The following NMNAT1 variants were observed in gnomAD, a reference collection of about 807,000 sequenced individuals.
The protein encoded by NMNAT1 is nicotinamide/nicotinic acid mononucleotide adenylyltransferase 1.
A neutral mutation model predicts 16.7 loss-of-function variants in NMNAT1; 11 were observed. The ratio of observed to expected loss-of-function variants is 0.66; its 90% CI spans 0.41 to 1.09. The LOEUF (loss-of-function observed/expected upper bound fraction) is 1.09. Among genes scored for constraint, NMNAT1 ranks in the 50% least tolerant of loss-of-function variants. NMNAT1 has a pLI of 0.00. For missense variants in NMNAT1, 280 were observed against 332.3 expected, an observed-to-expected ratio of 0.84 and a Z score of 1.22; for synonymous variants, 110 against 119.8, an observed-to-expected ratio of 0.92 and a Z score of 0.53.
In NMNAT1 at chr1:9,949,349, A is replaced by G. The variant is rs189690475; in HGVS notation, c.-57+5834A>G. Among the ~76,000 whole-genome samples, 23 of 150,698 alleles carry G rather than the reference A, an allele frequency of 1.5e-4. No homozygotes were observed. The East Asian group carries it at 4.1e-3, about 27-fold the overall frequency. On this transcript the variant is annotated intron_variant, in intron 1 of 4. Transcript: ENST00000377205. ...AAAACAATTAGCTGTCATGATGCAG[A>G]AGATTGTTATAATCTATAAGGGGGA...
chr1:9,984,280 C>T lies in NMNAT1; in HGVS notation c.*1579C>T, dbSNP rs1194749009. 1 of 152,230 alleles carries T rather than the reference C, an allele frequency of 6.6e-6. No individual in the cohort carries two copies. The highest frequency in any genetic ancestry group is 1.5e-5 in the Non-Finnish European group (1 of 68,124). The allele number at this position is 152,230 out of a possible 1,614,324, so 9.4% of individuals were successfully genotyped here. On this transcript the variant is annotated 3_prime_UTR_variant, in exon 5 of 5. Coordinates refer to ENST00000377205, the MANE Select transcript of NMNAT1 (RefSeq NM_022787.4). ...CAGGCTGGTCTTGAACTCCTGACCT[C>T]AGGTGATCTGCCCACCTCGGCCTTC...
rs1012527281 is a variant in NMNAT1 at position 9,958,181 on chromosome 1, G to C, written c.-56-13837G>C. On this transcript the variant is annotated intron_variant, in intron 1 of 4. Transcript: ENST00000377205. ...CTGCAATTAACATTTTACATTACTCGTTTAGTGATGAAATAGCTTCCAGAA... is the reference window on the plus strand; with the variant it reads ...CTGCAATTAACATTTTACATTACTCCTTTAGTGATGAAATAGCTTCCAGAA... Among the ~76,000 whole-genome samples the C allele has an allele frequency of 3.3e-5, 5 of 152,206 alleles. No individual in the cohort carries two copies. In the East Asian group the frequency reaches 7.7e-4, roughly 23 times the overall value.
At chr1:9,970,646 G>A (rs577612949) in intron 1 of NMNAT1, among the ~76,000 whole-genome samples, 62 of 150,510 alleles carry the variant, frequency 4.1e-4, no homozygotes, top group African/African-American at 1.3e-3. Context: ...CTGAGATCGC[G>A]CCAATGCACT....
chr1:9,978,660 G>T lies in NMNAT1; in HGVS notation c.300-2371G>T, dbSNP rs368737480. Among the ~76,000 whole-genome samples the T allele has an allele frequency of 7.2e-4, 109 of 152,296 alleles. 1 individual carries two copies. The highest frequency in any genetic ancestry group is 2.3e-3 in the African/African-American group (97 of 41,576). On this transcript the variant is annotated intron_variant, in intron 3 of 4. Coordinates refer to ENST00000377205, the MANE Select transcript of NMNAT1 (RefSeq NM_022787.4). ...AAGTTCCTGGGCCACAGCCCTACCC[G>T]ACCCTCTGGCTTTATAGTAACCTTA...
chr1:9,977,012 T>C (rs1318795307), intron 3 of NMNAT1, among the ~76,000 whole-genome samples: 1 of 151,680 alleles, frequency 6.6e-6, no homozygotes, highest in South Asian at 2.1e-4. Flanking sequence ...GTTCAAGCCG[T>C]TCCCCTGCCT....
At chr1:9,967,127 G>C (rs746395803) in intron 1 of NMNAT1, among the ~76,000 whole-genome samples, 10 of 152,068 alleles carry the variant, frequency 6.6e-5, no homozygotes, top group Non-Finnish European at 1.5e-4. Flanking sequence ...AGGAGGGTGA[G>C]GCAGGAGAAT....
chr1:9,982,508 G>C lies in NMNAT1; in HGVS notation c.647G>C (p.Trp216Ser), dbSNP rs771954272. 6.2e-7 allele frequency: 1 copy of C among 1,614,136 alleles called. No individual in the cohort carries two copies. Among genetic ancestry groups the C allele is most frequent in the Non-Finnish European group, 8.5e-7 (1 of 1,180,034 alleles). ...HRSNIHVVNE[W>S]IANDISSTKI... ...AGCAACATTCACGTGGTGAATGAAT[G>C]GATCGCTAATGACATCTCATCCACA... is the stretch of plus-strand genomic sequence containing the variant. Residue 216 changes from tryptophan (W) to serine (S), a missense_variant, in exon 5 of 5, where the codon TGG becomes TCG. Trp to Ser is a radical substitution (Grantham distance 177, BLOSUM62 -3). Coordinates refer to ENST00000377205, the MANE Select transcript of NMNAT1 (RefSeq NM_022787.4).
chr1:9,966,612 C>CA (rs34212244), intron 1 of NMNAT1, among the ~76,000 whole-genome samples: 2 of 150,998 alleles, frequency 1.3e-5, no homozygotes, highest in African/African-American at 4.9e-5. Flanking sequence ...GACTTAGTCT[C>CA]AAAAAAAAAA....
chr1:9,946,730 G>T (rs1028852454), intron 1 of NMNAT1, among the ~76,000 whole-genome samples: 2 of 152,104 alleles, frequency 1.3e-5, no homozygotes, highest in African/African-American at 4.8e-5. Context: ...GGTCATAAGT[G>T]TGGGGCCCTG....
intron 3 of NMNAT1, among the ~76,000 whole-genome samples, chr1:9,979,825 T>G (rs989131639): frequency 6.6e-6 from 1 of 151,838 alleles, no homozygotes; most frequent in Non-Finnish European, 1.5e-5. Context: ...AAAATTGTTA[T>G]TGAATGCCTC....
chr1:9,943,148 G>C (rs758465100), upstream of NMNAT1: 5 of 177,244 alleles, frequency 2.8e-5, no homozygotes, highest in Non-Finnish European at 5.0e-5. Flanking sequence ...GGAACTTGAA[G>C]TCCGGCACGT....
At chr1:9,980,484 G>A (rs192869077) in intron 3 of NMNAT1, among the ~76,000 whole-genome samples, 10 of 150,714 alleles carry the variant, frequency 6.6e-5, no homozygotes, top group Middle Eastern at 3.4e-3. Flanking sequence ...TTGGCTGAGC[G>A]TGGTGGTGCG....
chr1:9,985,477 A>C lies in NMNAT1; in HGVS notation c.*2776A>C, dbSNP rs1008579413. 2 of 152,184 alleles carry C rather than the reference A, an allele frequency of 1.3e-5. No individual in the cohort carries two copies. Among genetic ancestry groups the C allele is most frequent in the African/African-American group, 4.8e-5 (2 of 41,448 alleles). The allele number at this position is 152,184 out of a possible 1,614,324, so 9.4% of individuals were successfully genotyped here. On this transcript the variant is annotated 3_prime_UTR_variant, in exon 5 of 5. Coordinates refer to ENST00000377205, the MANE Select transcript of NMNAT1 (RefSeq NM_022787.4). Reference sequence around the variant, plus strand: ...AATTTTTCATTTACCCTAAGTGAGGACAAATAAAGCTTTCAACAACAGTTT... The same window carrying C: ...AATTTTTCATTTACCCTAAGTGAGGCCAAATAAAGCTTTCAACAACAGTTT...
chr1:9,978,942 C>T (rs1352052615), intron 3 of NMNAT1, among the ~76,000 whole-genome samples: 1 of 152,150 alleles, frequency 6.6e-6, no homozygotes. Flanking sequence ...CAAGATTAAG[C>T]CACACTCTTC....
chr1:9,964,749 C>A (rs1331649311), intron 1 of NMNAT1, among the ~76,000 whole-genome samples: 1 of 151,182 alleles, frequency 6.6e-6, no homozygotes, highest in Non-Finnish European at 1.5e-5. Flanking sequence ...GAGATCAAGA[C>A]CATCCTGGGC....
At chr1:9,972,306 C>G in intron 2 of NMNAT1, 118 bp downstream of exon 2, 1 of 655,608 alleles carries the variant, frequency 1.5e-6, no homozygotes, top group Admixed American at 2.4e-5. Flanking sequence ...GTCAAGAGAT[C>G]GAGACCATCC....
upstream of NMNAT1, chr1:9,942,981 G>A (rs189474922): frequency 8.1e-4 from 285 of 351,370 alleles, no homozygotes; most frequent in African/African-American, 5.8e-3. Context: ...TCCCGCATCC[G>A]GACACGCCTT....
intron 1 of NMNAT1, among the ~76,000 whole-genome samples, chr1:9,956,889 G>T (rs1641275714): frequency 6.6e-6 from 1 of 151,372 alleles, no homozygotes; most frequent in Non-Finnish European, 1.5e-5. Context: ...ATGCCACCAT[G>T]CCTGGATAAT....
chr1:9,981,867 CT>C lies in NMNAT1; in HGVS notation c.440-421del, dbSNP rs879454500. On this transcript the variant is annotated intron_variant, in intron 4 of 4. Coordinates refer to ENST00000377205, the MANE Select transcript of NMNAT1 (RefSeq NM_022787.4). ...CTCATAAAAACTGTGAACTGTCATTCTTTTTTTTTTTTTGAGACAGAGTTTT... is the reference window on the plus strand; with the variant it reads ...CTCATAAAAACTGTGAACTGTCATTCTTTTTTTTTTTTGAGACAGAGTTTT... The C allele has an allele frequency of 4.9e-3, 718 of 146,112 alleles. 1 individual carries two copies. The highest frequency in any genetic ancestry group is 5.2e-3 in the Non-Finnish European group (347 of 66,730). 9.1% of individuals were successfully genotyped at this position (146,112 alleles called of 1,614,324 possible).
Sources: allele counts gnomAD v4.1 joint callset (sites outside exome capture counted in the v4.1 genomes callset), GRCh38; gene constraint gnomAD v4.1.1; transcripts MANE v1.5; gene names NCBI Gene and HGNC (gene_info 2026-07-23, HGNC 2026-07-21).